Variants in PTGER4 observed in about 807,000 individuals in gnomAD.
PTGER4 encodes the protein prostaglandin E receptor 4, also known as prostaglandin E2 receptor EP4 subtype.
A neutral mutation model predicts 33.2 loss-of-function variants in PTGER4; 11 were observed. That is an observed-to-expected ratio of 0.33 (90% CI 0.21 to 0.55). The LOEUF (loss-of-function observed/expected upper bound fraction) is 0.55, where lower values mean the gene tolerates loss of function less well. Ranked by LOEUF, PTGER4 falls within the 20% of genes least tolerant of loss-of-function variation. PTGER4 has a pLI of 0.92. For missense variants in PTGER4, 481 were observed against 650.2 expected, an observed-to-expected ratio of 0.74 and a Z score of 2.83; for synonymous variants, 275 against 281.5, an observed-to-expected ratio of 0.98 and a Z score of 0.23.
At chr5:40,705,842 T>C in the PTGER4 span, among the ~76,000 whole-genome samples, 1 of 152,230 alleles carries the variant, frequency 6.6e-6, no homozygotes, top group Admixed American at 6.6e-5. Flanking sequence ...GCTGGCAAGG[T>C]TGTGTAGAAA....
the PTGER4 span, among the ~76,000 whole-genome samples, chr5:40,725,043 C>A: frequency 6.6e-6 from 1 of 151,986 alleles, no homozygotes; most frequent in East Asian, 1.9e-4. Context: ...GACGACGTTT[C>A]ACCATGTTGG....
chr5:40,704,593 A>G, the PTGER4 span, among the ~76,000 whole-genome samples: 1 of 152,238 alleles, frequency 6.6e-6, no homozygotes, highest in African/African-American at 2.4e-5. Context: ...GTCTCAGACC[A>G]AACACTCCTT....
chr5:40,716,459 T>C, the PTGER4 span: 11 of 1,613,130 alleles, frequency 6.8e-6, no homozygotes, highest in African/African-American at 2.7e-5. Flanking sequence ...TCAGGGTTCA[T>C]TGGATAGATG....
At chr5:40,717,106 G>C in the PTGER4 span, among the ~76,000 whole-genome samples, 1 of 151,572 alleles carries the variant, frequency 6.6e-6, no homozygotes, top group Non-Finnish European at 1.5e-5. Flanking sequence ...GCGGGTGCCT[G>C]TAATCCCAGC....
the PTGER4 span, among the ~76,000 whole-genome samples, chr5:40,735,222 C>A: frequency 6.6e-6 from 1 of 152,162 alleles, no homozygotes; most frequent in East Asian, 1.9e-4. Flanking sequence ...TTTTATACAA[C>A]AGTGAGACAT....
the PTGER4 span, chr5:40,730,386 C>A: frequency 6.6e-7 from 1 of 1,518,166 alleles, no homozygotes; most frequent in Non-Finnish European, 9.0e-7. Flanking sequence ...TTTCAATATG[C>A]TTTTTTGGAC....
intron 2 of PTGER4, among the ~76,000 whole-genome samples, chr5:40,686,711 T>C (rs886979555): frequency 2.6e-5 from 4 of 151,904 alleles, no homozygotes; most frequent in African/African-American, 9.7e-5. Context: ...TCTCTAATCA[T>C]CCTAAAAAAA....
the PTGER4 span, among the ~76,000 whole-genome samples, chr5:40,741,106 T>G: frequency 6.6e-6 from 1 of 152,252 alleles, no homozygotes; most frequent in Non-Finnish European, 1.5e-5. Flanking sequence ...AGTTTCCAAC[T>G]CTTTGGCATG....
chr5:40,726,438 C>T, the PTGER4 span, among the ~76,000 whole-genome samples: 1 of 150,930 alleles, frequency 6.6e-6, no homozygotes, highest in South Asian at 2.1e-4. Context: ...CATAGTGTCC[C>T]TTCGTTATGA....
chr5:40,720,045 T>C, the PTGER4 span, among the ~76,000 whole-genome samples: 1 of 152,172 alleles, frequency 6.6e-6, no homozygotes, highest in East Asian at 1.9e-4. Flanking sequence ...TAATTTGAAG[T>C]CCAATTTTTA....
chr5:40,694,296 C>T (rs1292077856), downstream of PTGER4, among the ~76,000 whole-genome samples: 1 of 152,144 alleles, frequency 6.6e-6, no homozygotes, highest in Admixed American at 6.5e-5. Context: ...AGCAGCCTGC[C>T]CACCTCAGCC....
In PTGER4 at chr5:40,692,828, T is replaced by TA; in HGVS notation, c.*451dup. 1.0e-6 allele frequency: 1 copy of TA among 987,140 alleles called. No homozygotes were observed. Among genetic ancestry groups the TA allele is most frequent in the Non-Finnish European group, 1.2e-6 (1 of 830,446 alleles). 61.1% of individuals were successfully genotyped at this position (987,140 alleles called of 1,614,324 possible). A position where few individuals can be genotyped will look rare whatever the true frequency, so the allele number is the denominator to read the frequency against. ...AAATGTGAATTTTTATTGTTGTACATACGATTTAAGGTATTTAAAGTATTT... is the reference window on the plus strand; with the variant it reads ...AAATGTGAATTTTTATTGTTGTACATAACGATTTAAGGTATTTAAAGTATTT... On this transcript the variant is annotated 3_prime_UTR_variant, in exon 3 of 3. Transcript: ENST00000302472.
At chr5:40,722,734 G>A in the PTGER4 span, among the ~76,000 whole-genome samples, 5 of 151,266 alleles carry the variant, frequency 3.3e-5, no homozygotes, top group Non-Finnish European at 5.9e-5. Flanking sequence ...GGGAGGTGGC[G>A]GGGCAGCCCC....
rs1741507809 is a variant in PTGER4 at position 40,692,799 on chromosome 5, C to A, written c.*421C>A. The A allele has an allele frequency of 1.0e-6, 1 of 990,086 alleles. No homozygotes were observed. The highest frequency in any genetic ancestry group is 1.2e-6 in the Non-Finnish European group (1 of 832,702). The allele number at this position is 990,086 out of a possible 1,614,324, so 61.3% of individuals were successfully genotyped here. A position where few individuals can be genotyped will look rare whatever the true frequency, so the allele number is the denominator to read the frequency against. On this transcript the variant is annotated 3_prime_UTR_variant, in exon 3 of 3. Transcript: ENST00000302472. ...GGATGATTTAAGTGTCTCACTAAAG[C>A]ATGAAATGTGAATTTTTATTGTTGT...
chr5:40,746,277 C>T, the PTGER4 span, among the ~76,000 whole-genome samples: 3 of 152,060 alleles, frequency 2.0e-5, no homozygotes, highest in African/African-American at 7.2e-5. Flanking sequence ...AACAACTTAG[C>T]TAAAGAAGGG....
At chr5:40,710,210 G>T in the PTGER4 span, among the ~76,000 whole-genome samples, 1 of 151,966 alleles carries the variant, frequency 6.6e-6, no homozygotes, top group African/African-American at 2.4e-5. Flanking sequence ...AATCTACAAA[G>T]AACTCAAACA....
the PTGER4 span, among the ~76,000 whole-genome samples, chr5:40,744,813 G>A: frequency 6.6e-6 from 1 of 152,084 alleles, no homozygotes; most frequent in East Asian, 1.9e-4. Flanking sequence ...TAAAAATATG[G>A]CTCTCAACAG....
the PTGER4 span, among the ~76,000 whole-genome samples, chr5:40,729,548 A>C: frequency 6.6e-6 from 1 of 152,190 alleles, no homozygotes; most frequent in Non-Finnish European, 1.5e-5. Context: ...CTAAGGACTA[A>C]GCCATTTTTA....
chr5:40,744,551 T>C, the PTGER4 span, among the ~76,000 whole-genome samples: 1 of 151,964 alleles, frequency 6.6e-6, no homozygotes, highest in Non-Finnish European at 1.5e-5. Flanking sequence ...TAATTCATTT[T>C]CTTTTAAATT....
Sources: gnomAD v4.1 joint callset for allele counts (sites outside exome capture counted in the v4.1 genomes callset) on GRCh38, gnomAD v4.1.1 for gene constraint, MANE v1.5 for transcripts, NCBI Gene and HGNC (gene_info 2026-07-23, HGNC 2026-07-21) for gene names.